Variants in EIF3A observed in about 807,000 individuals in gnomAD.
The protein encoded by EIF3A is EIF3, p180 subunit.
In EIF3A, 21 loss-of-function variants were observed where a neutral mutation model predicts 186.6. The observed-to-expected ratio is 0.11, with a 90% CI of 0.08 to 0.16. EIF3A has a LOEUF of 0.16. Ranked by LOEUF, EIF3A falls within the 10% of genes least tolerant of loss-of-function variation. The pLI is 1.00. For missense variants in EIF3A, 1,306 were observed against 1,796.3 expected (o/e 0.73, Z 4.93); for synonymous variants, 563 against 584.3 (o/e 0.96, Z 0.52).
rs192094747 is a variant in EIF3A at position 119,036,230 on chromosome 10, G to C, written c.3958C>G (p.Arg1320Gly). ...CGAGGAGGGTCCCGCTCTTCCACCC[G>C]GTCATCTTTCCTGTCATCAGCACGT... ...WRRADDRKDDRVEERDPPRRV... is the reference protein window; with the variant it reads ...WRRADDRKDDGVEERDPPRRV... The change falls in exon 22 of 22, where the codon CGG becomes GGG. Residue 1320 changes from arginine to glycine, a missense_variant. Arg to Gly is a moderately radical substitution (Grantham distance 125). Coordinates refer to ENST00000369144, the MANE Select transcript of EIF3A (RefSeq NM_003750.4). 1.1e-5 allele frequency: 18 copies of C among 1,612,850 alleles called. No homozygotes were observed. The Admixed American group carries it at 3.0e-4, about 27-fold the overall frequency.
Position 119,042,357 on chromosome 10 carries a change from C to T in EIF3A, c.3163G>A (p.Asp1055Asn). ...DRGPRRGGAD[D>N]ERSSWRNADD... Reference sequence around the variant, plus strand: ...GCATTACGCCAGGATGATCGCTCATCATCAGCGCCTCCTCGCCTCGGCCCC... The same window carrying T: ...GCATTACGCCAGGATGATCGCTCATTATCAGCGCCTCCTCGCCTCGGCCCC... Residue 1055 changes from aspartate to asparagine, a missense_variant, in exon 19 of 22, where the codon GAT becomes AAT. Asp to Asn is a conservative substitution (Grantham distance 23). Around this residue, in one of 8 missense-constraint regions of EIF3A, gnomAD observed 410 missense variants for 473.5 expected, o/e 0.87. Transcript: ENST00000369144. This position sits in a 1 kb window ranked among gnomAD's most constrained non-coding sequence, Gnocchi z 7.8. 1.2e-6 allele frequency: 2 copies of T among 1,614,072 alleles called. No homozygotes were observed. Among genetic ancestry groups the T allele is most frequent in the Non-Finnish European group, 8.5e-7 (1 of 1,179,948 alleles).
chr10:119,064,878 T>C lies in EIF3A; in HGVS notation c.1122+521A>G, dbSNP rs190882185. Among the ~76,000 whole-genome samples, 234 of 152,230 alleles carry C rather than the reference T, an allele frequency of 1.5e-3. 1 individual carries two copies. The highest frequency in any genetic ancestry group is 0.014 in the Middle Eastern group (4 of 294). ...GTGTGCCACTATGCCCAGCTAATTT[T>C]TTGTTATTTTTAGGAGAGACCGGGT... On this transcript the variant is annotated intron_variant, in intron 7 of 21. Coordinates refer to ENST00000369144, the MANE Select transcript of EIF3A (RefSeq NM_003750.4).
chr10:119,074,536 T>G (rs1017643678), intron 1 of EIF3A, among the ~76,000 whole-genome samples: 4 of 151,984 alleles, frequency 2.6e-5, no homozygotes, highest in Non-Finnish European at 5.9e-5. Context: ...AAAATCAACA[T>G]GGGAGAAAGT....
intron 14 of EIF3A, among the ~76,000 whole-genome samples, chr10:119,054,727 CA>C (rs36005021): frequency 0.45 from 64,167 of 141,570 alleles, 14,546 homozygotes; most frequent in African/African-American, 0.58. Context: ...AACTCCATCT[CA>C]AAAAAAAAAA....
intron 1 of EIF3A, chr10:119,080,239 A>G (rs1844241427): frequency 1.2e-6 from 1 of 856,396 alleles, no homozygotes; most frequent in African/African-American, 1.8e-5. Flanking sequence ...ACTCCCCGGC[A>G]CTCCCAGATG....
At position 119,080,621 on chromosome 10, in the gene EIF3A, T is replaced by G. The variant is rs1459134562; in HGVS notation, c.49+7A>C. The stretch of plus-strand genomic sequence containing the variant: ...CCCAGCCCGGCGCGCCCCGATCAGC[T>G]ACTCACCGTTGGCGCGTTTGAGGGC... On this transcript the variant is annotated splice_region_variant and intron_variant, in intron 1 of 21. Coordinates refer to ENST00000369144, the MANE Select transcript of EIF3A (RefSeq NM_003750.4). 1 of 1,587,158 alleles carries G rather than the reference T, an allele frequency of 6.3e-7. No homozygotes were observed. Among genetic ancestry groups the G allele is most frequent in the Admixed American group, 1.8e-5 (1 of 55,536 alleles).
At chr10:119,051,809 T>A (rs1279424569) in intron 14 of EIF3A, among the ~76,000 whole-genome samples, 1 of 152,172 alleles carries the variant, frequency 6.6e-6, no homozygotes, top group African/African-American at 2.4e-5. Context: ...GGCAAGAGAA[T>A]CACTTGAGCC....
chr10:119,065,854 C>A (rs187602628), intron 6 of EIF3A, among the ~76,000 whole-genome samples: 1 of 152,194 alleles, frequency 6.6e-6, no homozygotes, highest in Non-Finnish European at 1.5e-5. Flanking sequence ...CGGTGGCTCA[C>A]GCCTGTAATC....
In EIF3A at chr10:119,070,963, T is replaced by G; in HGVS notation, c.664A>C (p.Asn222His). The G allele has an allele frequency of 5.0e-6, 8 of 1,614,032 alleles. No homozygotes were observed. The highest frequency in any genetic ancestry group is 6.8e-6 in the Non-Finnish European group (8 of 1,179,866). The change falls in exon 5 of 22, where the codon AAT (asparagine) becomes CAT (histidine). Residue 222 changes from asparagine to histidine, a missense_variant. Transcript: ENST00000369144. ...HNQSTAINLN[N>H]PESQSMHLET... ...AAATGCATGGACTGGCTCTCTGGAT[T>G]ATTAAGATTGATTGCCGTACTTTGG...
chr10:119,067,406 A>G (rs1281352797), intron 6 of EIF3A, among the ~76,000 whole-genome samples: 1 of 152,264 alleles, frequency 6.6e-6, no homozygotes, highest in East Asian at 1.9e-4. Flanking sequence ...CCTGGGCAAC[A>G]TAACGAGACC....
rs1279478490 is a variant in EIF3A at position 119,034,217 on chromosome 10, T to C, written c.*1822A>G. 3 of 167,080 alleles carry C rather than the reference T, an allele frequency of 1.8e-5. No individual in the cohort carries two copies. The highest frequency in any genetic ancestry group is 4.4e-5 in the Non-Finnish European group (3 of 68,170). The allele number at this position is 167,080 out of a possible 1,614,324, so 10.3% of individuals were successfully genotyped here. On this transcript the variant is annotated 3_prime_UTR_variant, in exon 22 of 22. Transcript: ENST00000369144. ...ATCGCAAAGTAACAGCATCAGACTC[T>C]TCTGCCCTCCTCTTGCACTTGGGTT...
chr10:119,067,077 G>A (rs574548768), intron 6 of EIF3A, among the ~76,000 whole-genome samples: 8 of 152,102 alleles, frequency 5.3e-5, no homozygotes, highest in South Asian at 4.2e-4. Flanking sequence ...TTAGCCAGGC[G>A]TGGTGGCGCA....
At chr10:119,036,775 CAG>C (rs1023039352) in intron 21 of EIF3A, among the ~76,000 whole-genome samples, 12 of 152,206 alleles carry the variant, frequency 7.9e-5, no homozygotes, top group Non-Finnish European at 1.5e-4. Context: ...TATTTTAAAA[CAG>C]AATAAACTTC....
chr10:119,069,558 AG>A lies in EIF3A; in HGVS notation c.837del (p.Ser280GlnfsTer27). 6.3e-7 allele frequency: 1 copy of A among 1,588,608 alleles called. No homozygotes were observed. Among genetic ancestry groups the A allele is most frequent in the Non-Finnish European group, 8.6e-7 (1 of 1,156,706 alleles). ...PQLMANYYNKVSTVFWKSGNA... is the reference protein window; with the variant it reads ...PQLMANYYNKXSTVFWKSGNA... Reference sequence around the variant, plus strand: ...TTTCCAGATTTCCAAAACACAGTTGAGACTTTGTTATAGTAATTTGCCATCA... The same window carrying A: ...TTTCCAGATTTCCAAAACACAGTTGAACTTTGTTATAGTAATTTGCCATCA... On this transcript the variant is annotated frameshift_variant, in exon 6 of 22. Coordinates refer to ENST00000369144, the MANE Select transcript of EIF3A (RefSeq NM_003750.4). LOFTEE classifies it high-confidence loss of function.
At chr10:119,060,930 C>CA in intron 8 of EIF3A, 86 bp from the exon 9 acceptor site, 1 of 869,866 alleles carries the variant, frequency 1.1e-6, no homozygotes. Flanking sequence ...TTTTAATATA[C>CA]AAAAACATCA....
chr10:119,054,727 C>A (rs1438587161), intron 14 of EIF3A, among the ~76,000 whole-genome samples: 2 of 141,910 alleles, frequency 1.4e-5, no homozygotes, highest in African/African-American at 5.3e-5. Flanking sequence ...AACTCCATCT[C>A]AAAAAAAAAA....
chr10:119,038,678 C>T (rs1848168551), intron 19 of EIF3A, among the ~76,000 whole-genome samples: 1 of 152,136 alleles, frequency 6.6e-6, no homozygotes, highest in Non-Finnish European at 1.5e-5. Context: ...AATCCCAGCA[C>T]TTTTGGAGAC....
At chr10:119,049,168 G>A (rs968309885) in intron 17 of EIF3A, among the ~76,000 whole-genome samples, 10 of 152,112 alleles carry the variant, frequency 6.6e-5, no homozygotes, top group East Asian at 1.9e-4. Flanking sequence ...TAAAAAGAGC[G>A]GTGAAAATGG....
At chr10:119,048,789 A>G (rs1848316503) in intron 17 of EIF3A, among the ~76,000 whole-genome samples, 1 of 151,734 alleles carries the variant, frequency 6.6e-6, no homozygotes, top group South Asian at 2.1e-4. Context: ...CTCCTCCCTC[A>G]GCCTCTCAAG....
Sources: allele counts gnomAD v4.1 joint callset (sites outside exome capture counted in the v4.1 genomes callset), GRCh38; gene constraint gnomAD v4.1.1; regional missense constraint gnomAD v4.1.1; non-coding constraint Gnocchi (gnomAD v3.1); transcripts MANE v1.5; gene names NCBI Gene and HGNC (gene_info 2026-07-23, HGNC 2026-07-21).